Variants in OCA2 observed in about 807,000 individuals in gnomAD.
OCA2 encodes P protein.
Under a neutral mutation model 100.2 loss-of-function variants are expected in OCA2, and 77 were observed. The observed-to-expected ratio is 0.77, with a 90% CI of 0.64 to 0.93. The LOEUF is 0.93. Ranked by LOEUF, OCA2 falls within the 40% of genes least tolerant of loss-of-function variation. The pLI is 0.00. For missense variants in OCA2, 1,062 were observed against 1,089.1 expected, an observed-to-expected ratio of 0.98 and a Z score of 0.35; for synonymous variants, 432 against 439.2, an observed-to-expected ratio of 0.98 and a Z score of 0.21.
intron 19 of OCA2, among the ~76,000 whole-genome samples, chr15:27,915,086 A>G (rs1167630438): frequency 6.6e-6 from 1 of 152,058 alleles, no homozygotes; most frequent in African/African-American, 2.4e-5. Context: ...CTTTGACAAA[A>G]TCAACAAAAA....
rs1430607491 is a variant in OCA2, at chr15:27,954,132, CA to C, written c.1842+1025del. ...TCCATGGCATACACACACACACACA[CA>C]CACACACACACACACACACACACAC... is the stretch of plus-strand genomic sequence containing the variant. On this transcript the variant is annotated intron_variant, in intron 17 of 23. Transcript: ENST00000354638. Among the ~76,000 whole-genome samples the C allele has an allele frequency of 3.1e-3, 456 of 146,046 alleles. 5 individuals carry two copies. Among genetic ancestry groups the C allele is most frequent in the African/African-American group, 0.011 (434 of 38,632 alleles).
At chr15:28,078,664 G>C (rs1409341968) in intron 2 of OCA2, among the ~76,000 whole-genome samples, 1 of 152,204 alleles carries the variant, frequency 6.6e-6, no homozygotes, top group African/African-American at 2.4e-5. Flanking sequence ...TATGGTTAGA[G>C]CCATACATGA....
the OCA2 span, among the ~76,000 whole-genome samples, chr15:27,749,551 G>A: frequency 6.6e-6 from 1 of 152,042 alleles, no homozygotes; most frequent in Non-Finnish European, 1.5e-5. Flanking sequence ...AAATGAAAAT[G>A]TCCCTATTAG....
chr15:28,065,660 C>A (rs185459724), intron 2 of OCA2, among the ~76,000 whole-genome samples: 23 of 152,206 alleles, frequency 1.5e-4, no homozygotes, highest in Non-Finnish European at 5.9e-5. Flanking sequence ...ATCACTATTC[C>A]TCTGCAGTAA....
chr15:28,016,282 G>C (rs2042391574), intron 7 of OCA2, 96 bp from the exon 8 acceptor site: 1 of 944,292 alleles, frequency 1.1e-6, no homozygotes, highest in African/African-American at 1.6e-5. Context: ...TTTCAAAAAA[G>C]AAAAGGAGAA....
intron 3 of OCA2, 23 bp downstream of exon 3, chr15:28,032,042 A>G (rs759782514): frequency 1.3e-6 from 2 of 1,570,512 alleles, no homozygotes; most frequent in Non-Finnish European, 1.8e-6. Flanking sequence ...TCTTACTTTC[A>G]TATGAGGGGG....
intron 23 of OCA2, among the ~76,000 whole-genome samples, chr15:27,769,876 G>A (rs2031578127): frequency 1.3e-5 from 1 of 74,672 alleles, no homozygotes; most frequent in Admixed American, 9.5e-5. Context: ...CGGCCTGTGT[G>A]CAGCGCCTCG....
chr15:27,955,260 CGTGGTGA>C, intron 16 of OCA2, 45 bp from the exon 17 acceptor site: 2 of 1,437,986 alleles, frequency 1.4e-6, no homozygotes, highest in Non-Finnish European at 2.0e-6. Context: ...GGTCACGCTG[CGTGGTGA>C]GATCGCGGAG....
Position 28,020,105 on chromosome 15 carries a change from C to T in OCA2, c.647-1548G>A, listed in dbSNP as rs192918705. On this transcript the variant is annotated intron_variant, in intron 6 of 23. Transcript: ENST00000354638. ...ATTCGAAGGCCACACAGGGAGCAGG[C>T]GAGACAGCTCCCCGCCCCCACCCAT... 7.9e-5 allele frequency among the ~76,000 whole-genome samples: 12 copies of T among 152,142 alleles called. 1 individual carries two copies. The South Asian group carries it at 2.5e-3, about 32-fold the overall frequency.
intron 9 of OCA2, among the ~76,000 whole-genome samples, chr15:28,011,655 A>C (rs150062429): frequency 0.014 from 2,050 of 150,932 alleles, 43 homozygotes; most frequent in African/African-American, 0.048. Flanking sequence ...GTGGCTCATG[A>C]CTGTAATCCC....
At chr15:28,096,975 G>A (rs1159434588) in intron 1 of OCA2, among the ~76,000 whole-genome samples, 1 of 152,142 alleles carries the variant, frequency 6.6e-6, no homozygotes, top group Non-Finnish European at 1.5e-5. Flanking sequence ...CCTCCCCGCG[G>A]CGCCGCTGCC....
chr15:27,990,517 A>C, intron 10 of OCA2, 59 bp downstream of exon 10: 2 of 1,526,282 alleles, frequency 1.3e-6, no homozygotes, highest in Non-Finnish European at 1.8e-6. Context: ...ATCCTGGAAC[A>C]TCTTTGAGCT....
At chr15:27,936,598 G>C (rs1467906279) in intron 18 of OCA2, among the ~76,000 whole-genome samples, 9 of 152,168 alleles carry the variant, frequency 5.9e-5, no homozygotes, top group Admixed American at 5.9e-4. Flanking sequence ...AGGCCTGTGT[G>C]TATTACCTGA....
intron 6 of OCA2, among the ~76,000 whole-genome samples, chr15:28,019,615 C>T (rs540208919): frequency 1.3e-5 from 2 of 152,278 alleles, no homozygotes; most frequent in Admixed American, 6.5e-5. Flanking sequence ...GAAGCTCCTC[C>T]CCTCACAGCA....
chr15:28,008,127 A>G (rs2042139828), intron 9 of OCA2, among the ~76,000 whole-genome samples: 1 of 152,208 alleles, frequency 6.6e-6, no homozygotes, highest in Non-Finnish European at 1.5e-5. Context: ...CCAACAACAG[A>G]CACAATAAGT....
intron 18 of OCA2, 45 bp downstream of exon 18, chr15:27,951,739 C>T (rs17566952): frequency 7.4e-7 from 1 of 1,346,104 alleles, no homozygotes; most frequent in Non-Finnish European, 1.1e-6. Context: ...ACCTTCCCAT[C>T]CAGAATGTGA....
chr15:27,753,083 T>C (rs553847921), downstream of OCA2, among the ~76,000 whole-genome samples: 25 of 152,126 alleles, frequency 1.6e-4, no homozygotes, highest in Admixed American at 1.6e-3. Context: ...GGGGCCAGTT[T>C]GTTGGTTGAC....
At chr15:27,989,548 G>C in intron 11 of OCA2, 53 bp downstream of exon 11, 2 of 1,480,534 alleles carry the variant, frequency 1.4e-6, no homozygotes, top group Non-Finnish European at 1.9e-6. Flanking sequence ...GGCCAGAGAA[G>C]GCCCGGTTAC....
intron 7 of OCA2, among the ~76,000 whole-genome samples, chr15:28,017,770 C>T (rs1296880143): frequency 3.9e-5 from 6 of 152,210 alleles, no homozygotes; most frequent in Admixed American, 3.3e-4. Context: ...ACCAGGGCTA[C>T]GACTTCCATG....
Sources: allele counts gnomAD v4.1 joint callset (sites outside exome capture counted in the v4.1 genomes callset), GRCh38; gene constraint gnomAD v4.1.1; transcripts MANE v1.5; gene names NCBI Gene and HGNC (gene_info 2026-07-23, HGNC 2026-07-21).